The following WDFY3 variants were observed in gnomAD, a reference collection of about 807,000 sequenced individuals.
WDFY3 encodes WD repeat and FYVE domain-containing protein 3.
In WDFY3, 66 loss-of-function variants were observed where a neutral mutation model predicts 409.6. The ratio of observed to expected loss-of-function variants is 0.16; its 90% CI spans 0.13 to 0.20. The LOEUF is 0.20. Among genes scored for constraint, WDFY3 ranks in the 10% least tolerant of loss-of-function variants. The pLI is 1.00. For missense variants in WDFY3, 3,031 were observed against 4,298.1 expected (o/e 0.71, Z 8.24); for synonymous variants, 1,521 against 1,537.1 (o/e 0.99, Z 0.25).
chr4:84,719,096 G>T (rs1258325660), intron 47 of WDFY3, among the ~76,000 whole-genome samples: 1 of 152,092 alleles, frequency 6.6e-6, no homozygotes, highest in Admixed American at 6.5e-5. Flanking sequence ...TTTCTAATTG[G>T]CTTGTTGTGA....
intron 2 of WDFY3, among the ~76,000 whole-genome samples, chr4:84,922,608 A>C (rs1444829576): frequency 6.8e-6 from 1 of 146,128 alleles, no homozygotes; most frequent in Non-Finnish European, 1.5e-5. Flanking sequence ...ACAGGAAGAC[A>C]TTTTTTTTTT....
chr4:84,877,200 C>G (rs914236320), intron 3 of WDFY3, among the ~76,000 whole-genome samples: 1 of 152,226 alleles, frequency 6.6e-6, no homozygotes, highest in South Asian at 2.1e-4. Flanking sequence ...CACCCGTCTA[C>G]TGCAGGCCTC....
intron 19 of WDFY3, 40 bp downstream of exon 19, chr4:84,796,481 C>T (rs778132323): frequency 7.4e-7 from 1 of 1,343,228 alleles, no homozygotes; most frequent in East Asian, 2.5e-5. Flanking sequence ...AAGTATGACG[C>T]ATAAAACCAT....
chr4:84,743,791 A>G lies in WDFY3; in HGVS notation c.5982T>C (p.Pro1994=), dbSNP rs761176477. The G allele has an allele frequency of 1.8e-5, 28 of 1,567,086 alleles. No individual in the cohort carries two copies. Among genetic ancestry groups the G allele is most frequent in the Non-Finnish European group, 1.9e-5 (22 of 1,154,038 alleles). The change falls in exon 37 of 68, where the codon CCT becomes CCC. Residue 1994 remains proline, a synonymous_variant. Coordinates refer to ENST00000295888, the MANE Select transcript of WDFY3 (RefSeq NM_014991.6). ...PLIDLLLEAS[P]ERSTRTQQKE... is the part of the protein sequence containing the mutation. ...TTTGCTGAGTTCTTGTAGACCTTTC[A>G]GGGGAAGCCTAATCAAGAAAATTTA...
intron 1 of WDFY3, among the ~76,000 whole-genome samples, chr4:84,943,482 C>T (rs1011842319): frequency 2.0e-5 from 3 of 151,374 alleles, no homozygotes; most frequent in Non-Finnish European, 4.4e-5. Flanking sequence ...CCAGCCTGGG[C>T]GACAGAGCAA....
At chr4:84,864,683 C>T (rs1236664585) in intron 3 of WDFY3, among the ~76,000 whole-genome samples, 3 of 152,056 alleles carry the variant, frequency 2.0e-5, no homozygotes, top group Non-Finnish European at 2.9e-5. Context: ...ATTCAAAGTA[C>T]GATAGTGAAA....
Position 84,684,104 on chromosome 4 carries a change from C to T in WDFY3, c.9565G>A (p.Gly3189Ser), listed in dbSNP as rs1727888861. The T allele has an allele frequency of 6.3e-7, 1 of 1,590,850 alleles. No individual in the cohort carries two copies. The highest frequency in any genetic ancestry group is 1.1e-5 in the South Asian group (1 of 89,890). Reference protein sequence around the residue: ...ELTGDIVSCAGTYIHVWSING... With the variant: ...ELTGDIVSCASTYIHVWSING... ...ATGCTCCACACATGGATATATGTGC[C>T]AGCGCAGGACACAATGTCCCCCTGA... The change falls in exon 63 of 68, where the codon GGC becomes AGC. Residue 3189 changes from glycine to serine, a missense_variant. Around this residue, in one of 16 missense-constraint regions of WDFY3, gnomAD observed 378 missense variants for 477.3 expected, o/e 0.79. Coordinates refer to ENST00000295888, the MANE Select transcript of WDFY3 (RefSeq NM_014991.6).
chr4:84,879,091 C>T (rs1202762970), intron 3 of WDFY3, among the ~76,000 whole-genome samples: 2 of 152,088 alleles, frequency 1.3e-5, no homozygotes, highest in Admixed American at 6.6e-5. Context: ...AAAACTTTTG[C>T]AAGGTATAAA....
intron 2 of WDFY3, among the ~76,000 whole-genome samples, chr4:84,898,032 T>C (rs1411488192): frequency 2.0e-5 from 3 of 152,214 alleles, no homozygotes; most frequent in African/African-American, 4.8e-5. Flanking sequence ...GATTATAACC[T>C]ATGGCATATG....
chr4:84,834,063 G>C lies in WDFY3; in HGVS notation c.577-2458C>G, dbSNP rs145817112. ...ACAGACAGTTAAATGCAACAAAAAAGTGTATTCTCAGAGGGGTGTATTAGT... is the reference window on the plus strand; with the variant it reads ...ACAGACAGTTAAATGCAACAAAAAACTGTATTCTCAGAGGGGTGTATTAGT... On this transcript the variant is annotated intron_variant, in intron 7 of 67. Transcript: ENST00000295888. Among the ~76,000 whole-genome samples the C allele has an allele frequency of 5.0e-4, 76 of 152,294 alleles. 1 individual carries two copies. In the East Asian group the frequency reaches 0.014, roughly 28 times the overall value.
chr4:84,912,510 T>C (rs935813749), intron 2 of WDFY3, among the ~76,000 whole-genome samples: 1 of 152,228 alleles, frequency 6.6e-6, no homozygotes, highest in Admixed American at 6.5e-5. Flanking sequence ...TAAGTCATTA[T>C]ATGACAATTT....
intron 14 of WDFY3, chr4:84,809,641 C>A: frequency 5.4e-6 from 2 of 373,010 alleles, no homozygotes; most frequent in Non-Finnish European, 4.7e-6. Flanking sequence ...GAAACTGTTC[C>A]AATAACTGCA....
intron 17 of WDFY3, among the ~76,000 whole-genome samples, chr4:84,800,171 C>T (rs968245238): frequency 2.0e-5 from 3 of 152,176 alleles, no homozygotes; most frequent in African/African-American, 4.8e-5. Flanking sequence ...GATACAACAC[C>T]ATTTAACAAA....
intron 1 of WDFY3, among the ~76,000 whole-genome samples, chr4:84,960,058 GT>G (rs539890214): frequency 2.0e-5 from 3 of 152,038 alleles, no homozygotes; most frequent in African/African-American, 7.3e-5. Context: ...GTAAATGTTT[GT>G]TTTTTTGGTT....
chr4:84,752,140 C>T (rs1740630771), intron 35 of WDFY3, among the ~76,000 whole-genome samples: 1 of 151,904 alleles, frequency 6.6e-6, no homozygotes, highest in South Asian at 2.1e-4. Context: ...TAAAAAAACC[C>T]CAAATAAATT....
chr4:84,710,715 A>G (rs918061318), intron 51 of WDFY3, among the ~76,000 whole-genome samples: 6 of 152,232 alleles, frequency 3.9e-5, no homozygotes, highest in Admixed American at 2.0e-4. Context: ...CTTGCCTCTG[A>G]GCTCTTTAAA....
chr4:84,791,937 CT>C (rs1401741014), intron 21 of WDFY3, among the ~76,000 whole-genome samples: 1 of 151,910 alleles, frequency 6.6e-6, no homozygotes, highest in Admixed American at 6.6e-5. Flanking sequence ...ATTAATTTAC[CT>C]TTTATCAGTA....
chr4:84,824,781 C>T (rs992086180), intron 10 of WDFY3, among the ~76,000 whole-genome samples: 2 of 152,108 alleles, frequency 1.3e-5, no homozygotes, highest in Non-Finnish European at 2.9e-5. Flanking sequence ...TAAAAGACAA[C>T]CTATTCCACA....
At chr4:84,922,488 T>C (rs1769415492) in intron 2 of WDFY3, among the ~76,000 whole-genome samples, 2 of 152,246 alleles carry the variant, frequency 1.3e-5, no homozygotes, top group Middle Eastern at 6.8e-3. Flanking sequence ...TAAGTGTGAG[T>C]AGTTGTGTGT....
Sources: gnomAD v4.1 joint callset for allele counts (sites outside exome capture counted in the v4.1 genomes callset) on GRCh38, gnomAD v4.1.1 for gene constraint, gnomAD v4.1.1 regional missense constraint, MANE v1.5 for transcripts, NCBI Gene and HGNC (gene_info 2026-07-23, HGNC 2026-07-21) for gene names.